Variants in CENPU observed in about 807,000 individuals in gnomAD.
CENPU encodes the protein centromere protein U.
A neutral mutation model predicts 56.7 loss-of-function variants in CENPU; 46 were observed. The ratio of observed to expected loss-of-function variants is 0.81; its 90% CI spans 0.64 to 1.04. The LOEUF (loss-of-function observed/expected upper bound fraction) is 1.04, where lower values mean the gene tolerates loss of function less well. CENPU is among the 50% of genes least tolerant of loss of function. CENPU has a pLI of 0.00. For missense variants in CENPU, 510 were observed against 490.1 expected, an observed-to-expected ratio of 1.04 and a Z score of -0.38; for synonymous variants, 166 against 163.0, an observed-to-expected ratio of 1.02 and a Z score of -0.14.
Position 184,730,996 on chromosome 4 carries a change from T to G in CENPU, c.48-28A>C, listed in dbSNP as rs369233650. On this transcript the variant is annotated intron_variant, in intron 1 of 12. Transcript: ENST00000281453. ...ATTAAACAGCAAAAAAACACAAGAGTTAGGAAATAGTTAAAATAACTGAGG... is the reference window on the plus strand; with the variant it reads ...ATTAAACAGCAAAAAAACACAAGAGGTAGGAAATAGTTAAAATAACTGAGG... 1.1e-5 allele frequency: 17 copies of G among 1,506,454 alleles called. No individual in the cohort carries two copies. In the African/African-American group the frequency reaches 2.3e-4, roughly 20 times the overall value. 93.3% of individuals were successfully genotyped at this position (1,506,454 alleles called of 1,614,324 possible). A position where few individuals can be genotyped will look rare whatever the true frequency, so the allele number is the denominator to read the frequency against.
intron 3 of CENPU, among the ~76,000 whole-genome samples, chr4:184,725,441 G>C (rs900700391): frequency 1.3e-4 from 20 of 152,338 alleles, no homozygotes; most frequent in African/African-American, 4.8e-4. Context: ...AAATAGCTGG[G>C]ACTACAGGCA....
intron 3 of CENPU, among the ~76,000 whole-genome samples, 163 bp downstream of exon 3, chr4:184,728,751 CGTAA>C (rs1761540234): frequency 6.6e-6 from 1 of 152,032 alleles, no homozygotes; most frequent in Admixed American, 6.6e-5. Context: ...TCAATGTACC[CGTAA>C]GTGAGGAAAA....
In CENPU at chr4:184,694,362, A is replaced by G. The variant is rs1482086925; in HGVS notation, c.*926T>C. ...CAGCAACGTTTGAATCAGTGCACTC[A>G]TTCCCACGGTGAGATATCGGAGACA... On this transcript the variant is annotated 3_prime_UTR_variant, in exon 13 of 13. Transcript: ENST00000281453. The G allele has an allele frequency of 2.1e-6, 3 of 1,406,918 alleles. No individual in the cohort carries two copies. The East Asian group carries it at 7.6e-5, about 36-fold the overall frequency. The allele number at this position is 1,406,918 out of a possible 1,614,324, so 87.2% of individuals were successfully genotyped here.
At chr4:184,721,457 T>TAAAA (rs138476894) in intron 4 of CENPU, among the ~76,000 whole-genome samples, 2,184 of 74,376 alleles carry the variant, frequency 0.029, 195 homozygotes, top group African/African-American at 0.12. Flanking sequence ...TGGCTGATTG[T>TAAAA]AAAAAAAAAA....
In CENPU at chr4:184,694,175, C is replaced by T; in HGVS notation, c.*1113G>A. 9.8e-7 allele frequency: 1 copy of T among 1,016,340 alleles called. No homozygotes were observed. The highest frequency in any genetic ancestry group is 1.7e-5 in the African/African-American group (1 of 58,750). The allele number at this position is 1,016,340 out of a possible 1,614,324, so 63.0% of individuals were successfully genotyped here. A position where few individuals can be genotyped will look rare whatever the true frequency, so the allele number is the denominator to read the frequency against. ...AAAGCATGGGTACTAAGTCCATTGT[C>T]AAGATAGCAAATTTATCTTCTGATT... On this transcript the variant is annotated 3_prime_UTR_variant, in exon 13 of 13. Coordinates refer to ENST00000281453, the MANE Select transcript of CENPU (RefSeq NM_024629.4).
chr4:184,715,521 C>G (rs1258610721), intron 6 of CENPU, among the ~76,000 whole-genome samples: 1 of 152,152 alleles, frequency 6.6e-6, no homozygotes, highest in African/African-American at 2.4e-5. Context: ...CCATGTTGGC[C>G]AGGCTGGTCT....
At chr4:184,722,022 T>G (rs1313759898) in intron 4 of CENPU, among the ~76,000 whole-genome samples, 1 of 152,194 alleles carries the variant, frequency 6.6e-6, no homozygotes, top group Non-Finnish European at 1.5e-5. Context: ...TAAAACATTT[T>G]TTAAAAACCG....
chr4:184,706,105 TTA>T (rs1296829346), intron 8 of CENPU, among the ~76,000 whole-genome samples: 1 of 152,186 alleles, frequency 6.6e-6, no homozygotes, highest in Admixed American at 6.5e-5. Context: ...AAATTTTATG[TTA>T]TGTGTATTTT....
intron 2 of CENPU, among the ~76,000 whole-genome samples, chr4:184,730,208 G>T (rs1463762994): frequency 6.6e-6 from 1 of 152,196 alleles, no homozygotes; most frequent in Non-Finnish European, 1.5e-5. Context: ...CCAATGGCAG[G>T]GGCAAGGCAG....
chr4:184,708,288 C>T (rs1259349552), intron 8 of CENPU, among the ~76,000 whole-genome samples: 2 of 140,684 alleles, frequency 1.4e-5, no homozygotes, highest in African/African-American at 5.2e-5. Flanking sequence ...AAGAACTCAA[C>T]AGATGGGACA....
At chr4:184,727,618 G>A (rs1002727570) in intron 3 of CENPU, among the ~76,000 whole-genome samples, 1 of 152,116 alleles carries the variant, frequency 6.6e-6, no homozygotes, top group African/African-American at 2.4e-5. Context: ...GTTAAAAATA[G>A]AATTACCATA....
chr4:184,708,330 T>C (rs141271104), intron 8 of CENPU, among the ~76,000 whole-genome samples: 1 of 151,004 alleles, frequency 6.6e-6, no homozygotes, highest in Non-Finnish European at 1.5e-5. Flanking sequence ...AAGAATAAAT[T>C]AGCAAATCTA....
At chr4:184,705,140 G>T (rs1007946587) in intron 8 of CENPU, among the ~76,000 whole-genome samples, 2 of 152,200 alleles carry the variant, frequency 1.3e-5, no homozygotes, top group Non-Finnish European at 2.9e-5. Context: ...TTACAGCACT[G>T]TGTGTGTTAA....
At chr4:184,716,784 G>A (rs185485207) in intron 5 of CENPU, 151 bp from the exon 6 acceptor site, 247 of 651,512 alleles carry the variant, frequency 3.8e-4, no homozygotes, top group Middle Eastern at 2.1e-3. Flanking sequence ...CTTAATTAGT[G>A]GATAGGACAG....
intron 6 of CENPU, among the ~76,000 whole-genome samples, 171 bp downstream of exon 6, chr4:184,716,226 C>T (rs1484847450): frequency 6.6e-6 from 1 of 152,094 alleles, no homozygotes; most frequent in Non-Finnish European, 1.5e-5. Context: ...TGAGCCACCT[C>T]GCCCGGCCAT....
chr4:184,726,150 A>T (rs1761442766), intron 3 of CENPU, among the ~76,000 whole-genome samples: 1 of 152,212 alleles, frequency 6.6e-6, no homozygotes, highest in Non-Finnish European at 1.5e-5. Flanking sequence ...GCCCTCCACG[A>T]GGCAAAGGGA....
Position 184,695,294 on chromosome 4 carries a change from C to T in CENPU, c.1251G>A (p.Gln417=), listed in dbSNP as rs1760225627. The T allele has an allele frequency of 6.2e-7, 1 of 1,610,946 alleles. No homozygotes were observed. The highest frequency in any genetic ancestry group is 1.3e-5 in the African/African-American group (1 of 75,012). ...TTTTAGTAGACTGCTCTTCTCATCCCTGGTCAAGGAGCTTCTCTAACTGAT... is the reference window on the plus strand; with the variant it reads ...TTTTAGTAGACTGCTCTTCTCATCCTTGGTCAAGGAGCTTCTCTAACTGAT... The part of the protein sequence containing the change: ...INHQLEKLLD[Q]G Residue 417 remains glutamine, a synonymous_variant, in exon 13 of 13, where the codon CAG becomes CAA. Coordinates refer to ENST00000281453, the MANE Select transcript of CENPU (RefSeq NM_024629.4).
chr4:184,730,774 G>A (rs980251158), intron 2 of CENPU, 146 bp downstream of exon 2: 14 of 536,820 alleles, frequency 2.6e-5, no homozygotes, highest in South Asian at 3.3e-5. Context: ...CCACTATACC[G>A]GAAAAAGTGT....
intron 4 of CENPU, among the ~76,000 whole-genome samples, chr4:184,718,673 G>A (rs1369640449): frequency 1.3e-5 from 2 of 152,224 alleles, no homozygotes; most frequent in Non-Finnish European, 2.9e-5. Context: ...GGGGTGTGGA[G>A]AGGAGAAACG....
Sources: allele counts gnomAD v4.1 joint callset (sites outside exome capture counted in the v4.1 genomes callset), GRCh38; gene constraint gnomAD v4.1.1; transcripts MANE v1.5; gene names NCBI Gene and HGNC (gene_info 2026-07-23, HGNC 2026-07-21).